PVT1: variants seen among roughly 807,000 people sequenced by gnomAD.
PVT1 encodes CXCR4/PVT1 fusion.
chr8:127,972,296 A>G (rs75495208), intron 3 of PVT1, among the ~76,000 whole-genome samples: 2,947 of 152,332 alleles, frequency 0.019, 105 homozygotes, highest in African/African-American at 0.067. Context: ...GCTTTGCAGA[A>G]AGTCACTGGG....
intron 4 of PVT1, among the ~76,000 whole-genome samples, chr8:128,016,762 G>T (rs1429480905): frequency 6.6e-6 from 1 of 152,182 alleles, no homozygotes; most frequent in Admixed American, 6.5e-5. Context: ...ACACGACATG[G>T]TTATCCTGGC....
intron 4 of PVT1, among the ~76,000 whole-genome samples, chr8:128,037,659 T>C (rs549349270): frequency 1.1e-3 from 172 of 152,286 alleles, no homozygotes; most frequent in African/African-American, 3.4e-3. Context: ...CTGCCCTTGC[T>C]GAGAAGCCTG....
intron 2 of PVT1, among the ~76,000 whole-genome samples, chr8:127,822,650 G>C (rs896533630): frequency 7.2e-5 from 11 of 152,164 alleles, no homozygotes; most frequent in African/African-American, 2.7e-4. Context: ...ACAAATCAGG[G>C]GGCATTCCCA....
At chr8:128,041,505 G>GTT (rs57669343) in intron 4 of PVT1, among the ~76,000 whole-genome samples, 90,718 of 148,160 alleles carry the variant, frequency 0.61, 27,689 homozygotes, top group East Asian at 0.79. Context: ...TGGTATGTGT[G>GTT]TGTGTGTGTA....
intron 5 of PVT1, among the ~76,000 whole-genome samples, chr8:128,094,631 T>A (rs962151942): frequency 7.2e-5 from 11 of 152,236 alleles, no homozygotes; most frequent in Admixed American, 4.6e-4. Flanking sequence ...CCATCGTGTG[T>A]GGGTAAAATG....
At chr8:127,939,205 T>A (rs1352431267) in intron 3 of PVT1, among the ~76,000 whole-genome samples, 1 of 152,174 alleles carries the variant, frequency 6.6e-6, no homozygotes, top group Non-Finnish European at 1.5e-5. Flanking sequence ...GACCAACATA[T>A]TTTAAGGGCT....
At chr8:127,929,316 C>G (rs997044792) in intron 3 of PVT1, among the ~76,000 whole-genome samples, 9 of 151,726 alleles carry the variant, frequency 5.9e-5, no homozygotes, top group Non-Finnish European at 1.2e-4. Flanking sequence ...CTAGAACCCT[C>G]CCTAAGCCAT....
At chr8:127,873,046 G>T (rs1390186776) in intron 2 of PVT1, among the ~76,000 whole-genome samples, 1 of 152,114 alleles carries the variant, frequency 6.6e-6, no homozygotes, top group Non-Finnish European at 1.5e-5. Flanking sequence ...CCTCTCACTT[G>T]CTGGTGTTGG....
At chr8:127,882,859 T>A (rs1815483772) in intron 2 of PVT1, among the ~76,000 whole-genome samples, 1 of 152,166 alleles carries the variant, frequency 6.6e-6, no homozygotes, top group African/African-American at 2.4e-5. Context: ...GACTGATTTC[T>A]CACTTCTGCT....
At chr8:127,825,475 T>C (rs1350698127) in intron 2 of PVT1, among the ~76,000 whole-genome samples, 1 of 152,214 alleles carries the variant, frequency 6.6e-6, no homozygotes, top group Non-Finnish European at 1.5e-5. Flanking sequence ...TATTTTTCAC[T>C]ATCATTTTGA....
chr8:128,096,130 A>G (rs1017250788), intron 5 of PVT1, among the ~76,000 whole-genome samples: 1 of 152,234 alleles, frequency 6.6e-6, no homozygotes, highest in Non-Finnish European at 1.5e-5. Context: ...TAGAATGCTG[A>G]TGGGGTTCAG....
intron 3 of PVT1, among the ~76,000 whole-genome samples, chr8:127,923,226 A>T (rs1034783217): frequency 6.6e-6 from 1 of 152,204 alleles, no homozygotes; most frequent in East Asian, 1.9e-4. Context: ...CATCATAGCG[A>T]TGCTGGCTGC....
chr8:127,985,436 C>CT lies in PVT1; in HGVS notation n.783-3711dup, dbSNP rs549166946. ...GCCACTGTGCCCGGCTGAGTAGCTGCTTTTTTTTTTTTTTTAATCCTCGAT... is the reference window on the plus strand; with the variant it reads ...GCCACTGTGCCCGGCTGAGTAGCTGCTTTTTTTTTTTTTTTTAATCCTCGAT... On this transcript the variant is annotated intron_variant and non_coding_transcript_variant, in intron 3 of 10. Coordinates refer to ENST00000651587, the Ensembl canonical transcript of PVT1. Among the ~76,000 whole-genome samples, 592 of 142,082 alleles carry CT rather than the reference C, an allele frequency of 4.2e-3. 5 individuals carry two copies. The highest frequency in any genetic ancestry group is 0.029 in the Middle Eastern group (8 of 276). The allele number at this position is 142,082 out of a possible 152,430, so 93.2% of individuals were successfully genotyped here. A position where few individuals can be genotyped will look rare whatever the true frequency, so the allele number is the denominator to read the frequency against.
intron 3 of PVT1, among the ~76,000 whole-genome samples, chr8:127,944,904 T>C (rs1462327975): frequency 2.6e-5 from 4 of 152,324 alleles, no homozygotes; most frequent in Admixed American, 2.6e-4. Context: ...CCCGTGCTCA[T>C]GGCTGAGGTC....
intron 2 of PVT1, among the ~76,000 whole-genome samples, chr8:127,871,868 C>A (rs908092057): frequency 2.6e-5 from 4 of 152,058 alleles, no homozygotes; most frequent in Admixed American, 2.0e-4. Flanking sequence ...GCAGGCGGAT[C>A]CCCTGAGGTC....
At chr8:127,834,466 C>T (rs1043927830) in intron 2 of PVT1, among the ~76,000 whole-genome samples, 1 of 151,996 alleles carries the variant, frequency 6.6e-6, no homozygotes, top group African/African-American at 2.4e-5. Context: ...CCATAAAAAC[C>T]CTAGATGAAA....
intron 4 of PVT1, among the ~76,000 whole-genome samples, chr8:128,015,334 C>T (rs1360762365): frequency 2.6e-5 from 4 of 152,084 alleles, no homozygotes; most frequent in African/African-American, 9.7e-5. Context: ...ATGTGATCTG[C>T]CCATCTCGGC....
chr8:127,903,022 A>G (rs1228670443), intron 3 of PVT1, among the ~76,000 whole-genome samples: 1 of 152,246 alleles, frequency 6.6e-6, no homozygotes, highest in Non-Finnish European at 1.5e-5. Context: ...ACTGCTCCTC[A>G]CAGTGGCTGG....
intron 5 of PVT1, among the ~76,000 whole-genome samples, chr8:128,091,445 C>G (rs1177404818): frequency 6.6e-6 from 1 of 152,200 alleles, no homozygotes; most frequent in African/African-American, 2.4e-5. Flanking sequence ...CATCACACAG[C>G]ACCCTGGCTC....
Sources: gnomAD v4.1 joint callset for allele counts (sites outside exome capture counted in the v4.1 genomes callset) on GRCh38, gnomAD v4.1.1 for gene constraint, MANE v1.5 for transcripts, NCBI Gene and HGNC (gene_info 2026-07-23, HGNC 2026-07-21) for gene names.